Variants in SYMPK observed in about 807,000 individuals in gnomAD.
The protein encoded by SYMPK is symplekin.
SYMPK carries 49 observed loss-of-function variants against 136.4 expected under a neutral mutation model. The ratio of observed to expected loss-of-function variants is 0.36; its 90% CI spans 0.29 to 0.46. The LOEUF (loss-of-function observed/expected upper bound fraction) is 0.46. Ranked by LOEUF, SYMPK falls within the 20% of genes least tolerant of loss-of-function variation. The pLI is 1.00. For missense variants in SYMPK, 1,365 were observed against 1,690.0 expected, an observed-to-expected ratio of 0.81 and a Z score of 3.37; for synonymous variants, 766 against 713.0, an observed-to-expected ratio of 1.07 and a Z score of -1.19.
chr19:45,837,438 GA>G (rs1229224830), intron 10 of SYMPK, among the ~76,000 whole-genome samples: 2 of 152,018 alleles, frequency 1.3e-5, no homozygotes, highest in Non-Finnish European at 2.9e-5. Context: ...CCAACATGGT[GA>G]AACCCTGTCT....
At chr19:45,819,051 C>G (rs908828279) in intron 22 of SYMPK, 2 of 151,982 alleles carry the variant, frequency 1.3e-5, no homozygotes, top group African/African-American at 4.8e-5. Flanking sequence ...GCAGAGCAGA[C>G]AGTGGAGGTG....
intron 1 of SYMPK, among the ~76,000 whole-genome samples, chr19:45,861,530 G>A (rs1258525529): frequency 6.6e-6 from 1 of 152,170 alleles, no homozygotes; most frequent in Non-Finnish European, 1.5e-5. Flanking sequence ...CACGAGGTCA[G>A]GAGTTCAAGA....
intron 1 of SYMPK, 63 bp downstream of exon 1, chr19:45,862,995 G>A (rs1435514782): frequency 2.5e-6 from 1 of 397,432 alleles, no homozygotes; most frequent in Non-Finnish European, 4.5e-6. Context: ...CCCCGCCCGA[G>A]CCCCTGCTTC....
At chr19:45,828,859 GGACT>G (rs1971105382) in intron 14 of SYMPK, 107 bp downstream of exon 14, 6 of 1,056,450 alleles carry the variant, frequency 5.7e-6, no homozygotes, top group East Asian at 2.4e-5. Flanking sequence ...GGTGCGAGGA[GGACT>G]GACTCGGGGG....
rs902691645 is a variant in SYMPK, at chr19:45,838,605, C to A, written c.1098G>T (p.Leu366=). The change falls in exon 10 of 27, where the codon CTG becomes CTT. Residue 366 remains leucine, a synonymous_variant. Coordinates refer to ENST00000245934, the MANE Select transcript of SYMPK (RefSeq NM_004819.3). ...AGTCTTTGTCCTCATCGTCCTCCCCCAGGTTGGGCTCTGGGATGAGGGAAA... is the reference window on the plus strand; with the variant it reads ...AGTCTTTGTCCTCATCGTCCTCCCCAAGGTTGGGCTCTGGGATGAGGGAAA... The part of the protein sequence containing the change: ...TLKKMKLEPN[L]GEDDEDKDLE... 2 of 1,613,670 alleles carry A rather than the reference C, an allele frequency of 1.2e-6. No individual in the cohort carries two copies. Among genetic ancestry groups the A allele is most frequent in the Middle Eastern group, 1.6e-4 (1 of 6,082 alleles).
Position 45,852,305 on chromosome 19 carries a change from C to T in SYMPK, c.299+7G>A. Reference sequence around the variant, plus strand: ...ATGCTCCCGGGGCTCCGTGCCTCGCCCCATACCATGCCTCCTCGATGAAGC... The same window carrying T: ...ATGCTCCCGGGGCTCCGTGCCTCGCTCCATACCATGCCTCCTCGATGAAGC... On this transcript the variant is annotated splice_region_variant and intron_variant, in intron 5 of 26. Coordinates refer to ENST00000245934, the MANE Select transcript of SYMPK (RefSeq NM_004819.3). 6.2e-7 allele frequency: 1 copy of T among 1,614,240 alleles called. No homozygotes were observed. The highest frequency in any genetic ancestry group is 8.5e-7 in the Non-Finnish European group (1 of 1,180,040).
chr19:45,830,109 G>T lies in SYMPK; in HGVS notation c.1694C>A (p.Ala565Asp). Residue 565 changes from alanine to aspartate, a missense_variant, in exon 13 of 27, where the codon GCT becomes GAT. Transcript: ENST00000245934. The part of the protein sequence containing the change: ...DAQVEAMKLG[A>D]VKRILRAEKA... The stretch of plus-strand genomic sequence containing the variant: ...CTCAGCCCGCAGGATCCGCTTCACA[G>T]CGCCCAGCTTCATGGCTTCCACCTG... The T allele has an allele frequency of 6.3e-7, 1 of 1,584,544 alleles. No individual in the cohort carries two copies.
At chr19:45,853,160 C>T (rs7257342) in intron 3 of SYMPK, among the ~76,000 whole-genome samples, 15,051 of 152,196 alleles carry the variant, frequency 0.099, 754 homozygotes, top group African/African-American at 0.1. Flanking sequence ...CACTCCACCT[C>T]GGAGGTGGGG....
chr19:45,860,463 TA>T (rs201550219), intron 1 of SYMPK, among the ~76,000 whole-genome samples: 20,132 of 121,394 alleles, frequency 0.17, 1,394 homozygotes, highest in Admixed American at 0.22. Context: ...CGTTTCAAAT[TA>T]AAAAAAAAAA....
intron 9 of SYMPK, among the ~76,000 whole-genome samples, chr19:45,840,818 G>A (rs1484573359): frequency 1.3e-5 from 2 of 151,816 alleles, no homozygotes; most frequent in East Asian, 3.9e-4. Context: ...ACTCCAATCT[G>A]GGCAACAGAG....
At position 45,838,599 on chromosome 19, in the gene SYMPK, C is replaced by T. The variant is rs558347439; in HGVS notation, c.1104G>A (p.Glu368=). The stretch of plus-strand genomic sequence containing the variant: ...GCTCCAAGTCTTTGTCCTCATCGTC[C>T]TCCCCCAGGTTGGGCTCTGGGATGA... ...KKMKLEPNLG[E]DDEDKDLEPG... is the part of the protein sequence containing the mutation. Residue 368 remains glutamate, a synonymous_variant, in exon 10 of 27, where the codon GAG becomes GAA. Transcript: ENST00000245934. 1.9e-6 allele frequency: 3 copies of T among 1,613,866 alleles called. No individual in the cohort carries two copies. The highest frequency in any genetic ancestry group is 4.5e-5 in the East Asian group (2 of 44,872).
intron 13 of SYMPK, among the ~76,000 whole-genome samples, chr19:45,829,483 TC>T: frequency 6.6e-6 from 1 of 152,034 alleles, no homozygotes; most frequent in Admixed American, 6.5e-5. Context: ...CCTCAAAGAT[TC>T]CCCTCATTTG....
chr19:45,862,917 G>C lies in SYMPK; in HGVS notation c.-13+141C>G, dbSNP rs987091219. The C allele has an allele frequency of 6.5e-5, 26 of 399,212 alleles. No individual in the cohort carries two copies. The East Asian group carries it at 8.2e-4, about 13-fold the overall frequency. 24.7% of individuals were successfully genotyped at this position (399,212 alleles called of 1,614,324 possible). On this transcript the variant is annotated intron_variant, in intron 1 of 26. Transcript: ENST00000245934. ...CGAGGGCACTAGGGAGCCAAGGAAG[G>C]GTCCTGAGCAAGGGAAGAAACATGG...
In SYMPK at chr19:45,831,405, A is replaced by G; in HGVS notation, c.1577T>C (p.Ile526Thr). The G allele has an allele frequency of 6.3e-7, 1 of 1,585,194 alleles. No homozygotes were observed. Among genetic ancestry groups the G allele is most frequent in the Non-Finnish European group, 8.6e-7 (1 of 1,165,068 alleles). ...APQAKRRPEPIIPVTQPRLAG... is the reference protein window; with the variant it reads ...APQAKRRPEPTIPVTQPRLAG... Reference sequence around the variant, plus strand: ...TCACCGGGGCTGAGTGACAGGGATAATGGGCTCTGGCCTCCTCTTGGCCTG... The same window carrying G: ...TCACCGGGGCTGAGTGACAGGGATAGTGGGCTCTGGCCTCCTCTTGGCCTG... The change falls in exon 12 of 27, where the codon ATT (isoleucine) becomes ACT (threonine). Residue 526 changes from isoleucine (I) to threonine (T), a missense_variant. Coordinates refer to ENST00000245934, the MANE Select transcript of SYMPK (RefSeq NM_004819.3).
Position 45,835,088 on chromosome 19 carries a change from T to A in SYMPK, c.1383A>T (p.Gly461=). The A allele has an allele frequency of 6.9e-6, 11 of 1,603,534 alleles. No homozygotes were observed. Among genetic ancestry groups the A allele is most frequent in the Non-Finnish European group, 8.5e-6 (10 of 1,174,452 alleles). The part of the protein sequence containing the change: ...RLMATQMTAA[G]LGPGVEQTKQ... ...CCAGGACACACTCACCTGGTCCCAGTCCGGCAGCTGTCATCTGTGTGGCCA... is the reference window on the plus strand; with the variant it reads ...CCAGGACACACTCACCTGGTCCCAGACCGGCAGCTGTCATCTGTGTGGCCA... The change falls in exon 11 of 27, where the codon GGA becomes GGT. Residue 461 remains glycine, a synonymous_variant. Transcript: ENST00000245934.
chr19:45,843,390 T>C (rs1971487771), intron 8 of SYMPK, among the ~76,000 whole-genome samples: 1 of 152,126 alleles, frequency 6.6e-6, no homozygotes, highest in African/African-American at 2.4e-5. Flanking sequence ...GAGAAAATGG[T>C]ATGAGTCTCT....
intron 10 of SYMPK, 61 bp from the exon 11 acceptor site, chr19:45,835,289 A>T: frequency 6.7e-7 from 1 of 1,490,046 alleles, no homozygotes. Flanking sequence ...CATTCTTTCC[A>T]TGCCCATGCC....
chr19:45,827,482 G>A, intron 16 of SYMPK, 28 bp downstream of exon 16: 4 of 1,556,814 alleles, frequency 2.6e-6, no homozygotes, highest in South Asian at 1.1e-5. Context: ...CAGGCTGAGG[G>A]CAGCCAGGAA....
intron 5 of SYMPK, among the ~76,000 whole-genome samples, chr19:45,851,340 C>T (rs918196138): frequency 5.9e-5 from 9 of 152,124 alleles, no homozygotes; most frequent in Admixed American, 4.6e-4. Flanking sequence ...CTTTGGGAGG[C>T]CAAGGTGGGC....
Sources: allele counts gnomAD v4.1 joint callset (sites outside exome capture counted in the v4.1 genomes callset), GRCh38; gene constraint gnomAD v4.1.1; transcripts MANE v1.5; gene names NCBI Gene and HGNC (gene_info 2026-07-23, HGNC 2026-07-21).